Variants in SND1 observed in about 807,000 individuals in gnomAD.
The protein encoded by SND1 is staphylococcal nuclease and tudor domain containing 1, also known as staphylococcal nuclease domain-containing protein 1.
A neutral mutation model predicts 121.7 loss-of-function variants in SND1; 38 were observed. The ratio of observed to expected loss-of-function variants is 0.31; its 90% CI spans 0.24 to 0.41. The LOEUF is 0.41. Among genes scored for constraint, SND1 ranks in the 10% least tolerant of loss-of-function variants. The probability of loss-of-function intolerance (pLI) is 1.00; values close to 1 mark genes in which losing one functional copy is unlikely to be tolerated. For synonymous variants in SND1, 401 were observed against 447.4 expected (o/e 0.90, Z 1.31); for missense variants, 868 against 1,184.6 (o/e 0.73, Z 3.92).
chr7:127,691,297 C>G (rs1227028294), intron 2 of SND1, among the ~76,000 whole-genome samples: 1 of 152,074 alleles, frequency 6.6e-6, no homozygotes, highest in Non-Finnish European at 1.5e-5. Context: ...AATGCCAGCA[C>G]TTTGGGAGGC....
intron 22 of SND1, 41 bp from the exon 23 acceptor site, chr7:128,091,796 G>A (rs1263520746): frequency 3.1e-6 from 5 of 1,609,120 alleles, no homozygotes; most frequent in Non-Finnish European, 4.3e-6. Flanking sequence ...GATCATTTGA[G>A]GGCAACTCTG....
intron 15 of SND1, among the ~76,000 whole-genome samples, chr7:127,982,057 C>T (rs1802274177): frequency 6.6e-6 from 1 of 152,176 alleles, no homozygotes; most frequent in Non-Finnish European, 1.5e-5. Flanking sequence ...AGTGGCATAT[C>T]CCTTACCTCA....
chr7:127,672,372 G>A (rs191659005), intron 1 of SND1, among the ~76,000 whole-genome samples: 2 of 152,230 alleles, frequency 1.3e-5, no homozygotes, highest in Admixed American at 1.3e-4. Flanking sequence ...GGAGGCTGAG[G>A]CAGGAGGCAG....
At chr7:128,023,250 C>T (rs1470875886) in intron 16 of SND1, among the ~76,000 whole-genome samples, 2 of 152,148 alleles carry the variant, frequency 1.3e-5, no homozygotes, top group African/African-American at 2.4e-5. Context: ...TGCTCGGAAG[C>T]CCCACCGGCC....
At chr7:128,024,285 C>T (rs1022874938) in intron 16 of SND1, among the ~76,000 whole-genome samples, 1 of 152,076 alleles carries the variant, frequency 6.6e-6, no homozygotes, top group Non-Finnish European at 1.5e-5. Context: ...TTAGCTGAGG[C>T]AGGATTTAGA....
At chr7:127,744,594 T>G (rs528778483) in intron 10 of SND1, among the ~76,000 whole-genome samples, 3 of 152,328 alleles carry the variant, frequency 2.0e-5, no homozygotes, top group Admixed American at 2.0e-4. Flanking sequence ...TCATTTCTTC[T>G]TAGCTGCCCT....
chr7:127,940,678 GC>G (rs903191647), intron 15 of SND1, among the ~76,000 whole-genome samples: 3 of 152,082 alleles, frequency 2.0e-5, no homozygotes, highest in African/African-American at 7.2e-5. Context: ...AAAGCTGTTT[GC>G]CCCCTTCCCC....
chr7:128,040,418 C>CAGAGCA (rs1792832218), intron 16 of SND1, among the ~76,000 whole-genome samples: 2 of 95,162 alleles, frequency 2.1e-5, no homozygotes, highest in African/African-American at 4.2e-5. Context: ...GGTCATCAAA[C>CAGAGCA]AGAGCAAGGT....
intron 8 of SND1, among the ~76,000 whole-genome samples, 186 bp from the exon 9 acceptor site, chr7:127,707,371 T>C (rs1243265414): frequency 6.6e-6 from 1 of 152,248 alleles, no homozygotes; most frequent in Non-Finnish European, 1.5e-5. Flanking sequence ...GCTGTGGGCT[T>C]ACATTTTATA....
At position 128,030,760 on chromosome 7, in the gene SND1, G is replaced by A. The variant is rs149139797; in HGVS notation, c.1779+39704G>A. 696 of 1,299,282 alleles carry A rather than the reference G, an allele frequency of 5.4e-4. 7 individuals carry two copies. The African/African-American group carries it at 9.3e-3, about 17-fold the overall frequency. The allele number at this position is 1,299,282 out of a possible 1,614,324, so 80.5% of individuals were successfully genotyped here. ...TTCCATCTGGAGAAGGAGGTGGGGA[G>A]GGGGCGATTAGAGAGACGGAGCGGA... On this transcript the variant is annotated intron_variant, in intron 16 of 23. Transcript: ENST00000354725.
At chr7:128,088,054 T>A (rs930059814) in intron 21 of SND1, among the ~76,000 whole-genome samples, 1 of 152,104 alleles carries the variant, frequency 6.6e-6, no homozygotes, top group African/African-American at 2.4e-5. Context: ...AAATGAAGAA[T>A]AAGCAAATTT....
intron 16 of SND1, among the ~76,000 whole-genome samples, chr7:128,071,066 G>A (rs78070018): frequency 0.066 from 10,014 of 152,162 alleles, 419 homozygotes; most frequent in Middle Eastern, 0.19. Flanking sequence ...TTTTGTTGGT[G>A]GTTTCACAGT....
intron 13 of SND1, among the ~76,000 whole-genome samples, chr7:127,889,133 C>G (rs1015820853): frequency 6.6e-6 from 1 of 152,020 alleles, no homozygotes; most frequent in African/African-American, 2.4e-5. Flanking sequence ...TGTTGAGGAC[C>G]TCATTCTTAA....
At chr7:127,885,893 G>A (rs994980810) in intron 12 of SND1, among the ~76,000 whole-genome samples, 4 of 152,066 alleles carry the variant, frequency 2.6e-5, no homozygotes, top group Non-Finnish European at 4.4e-5. Context: ...ATCAAAAGTG[G>A]AGTTGTCCCC....
chr7:127,662,790 G>A (rs1439400138), intron 1 of SND1, among the ~76,000 whole-genome samples: 1 of 151,886 alleles, frequency 6.6e-6, no homozygotes, highest in East Asian at 1.9e-4. Context: ...TTGGTATTTG[G>A]TTCCAAGACT....
At chr7:127,769,938 G>A (rs1259120195) in intron 10 of SND1, among the ~76,000 whole-genome samples, 1 of 152,204 alleles carries the variant, frequency 6.6e-6, no homozygotes, top group Non-Finnish European at 1.5e-5. Flanking sequence ...TTATGAGTCA[G>A]GGTGGCAGAA....
At chr7:127,895,900 A>T (rs1472171382) in intron 13 of SND1, among the ~76,000 whole-genome samples, 2 of 151,954 alleles carry the variant, frequency 1.3e-5, no homozygotes, top group Non-Finnish European at 2.9e-5. Context: ...CCCCACCCCT[A>T]GTTCCTTCTG....
intron 4 of SND1, among the ~76,000 whole-genome samples, chr7:127,699,357 ACAGT>A (rs1426043049): frequency 2.0e-5 from 3 of 152,198 alleles, no homozygotes; most frequent in African/African-American, 7.2e-5. Context: ...TAATGGGGAG[ACAGT>A]CAGTAAACAA....
intron 13 of SND1, among the ~76,000 whole-genome samples, chr7:127,898,836 A>G (rs1024616528): frequency 6.6e-6 from 1 of 152,072 alleles, no homozygotes; most frequent in Non-Finnish European, 1.5e-5. Flanking sequence ...TTGATGTGGG[A>G]TGTGATGCTT....
Sources: allele counts gnomAD v4.1 joint callset (sites outside exome capture counted in the v4.1 genomes callset), GRCh38; gene constraint gnomAD v4.1.1; transcripts MANE v1.5; gene names NCBI Gene and HGNC (gene_info 2026-07-23, HGNC 2026-07-21).